Variants in KIAA2012 observed in about 807,000 individuals in gnomAD.
KIAA2012 encodes KIAA2012.
In KIAA2012, 125 loss-of-function variants were observed where a neutral mutation model predicts 150.6. The observed-to-expected ratio is 0.83, with a 90% CI of 0.72 to 0.96. The LOEUF (loss-of-function observed/expected upper bound fraction) is 0.96. Among genes scored for constraint, KIAA2012 ranks in the 40% least tolerant of loss-of-function variants. The pLI is 0.00. For synonymous variants in KIAA2012, 462 were observed against 504.7 expected, an observed-to-expected ratio of 0.92 and a Z score of 1.13; for missense variants, 1,219 against 1,354.9, an observed-to-expected ratio of 0.90 and a Z score of 1.57.
In KIAA2012 at chr2:202,090,943, T is replaced by C. The variant is rs1689704222; in HGVS notation, c.529+14T>C. Reference sequence around the variant, plus strand: ...TCTGGTGCGCAGGTCAGTGGGGAAATGGGAGGGGGGCACACCCCAAACTGC... The same window carrying C: ...TCTGGTGCGCAGGTCAGTGGGGAAACGGGAGGGGGGCACACCCCAAACTGC... On this transcript the variant is annotated intron_variant, in intron 3 of 23. Transcript: ENST00000498697. 6.5e-7 allele frequency: 1 copy of C among 1,533,604 alleles called. No individual in the cohort carries two copies. The highest frequency in any genetic ancestry group is 1.7e-4 in the Middle Eastern group (1 of 5,914). 95.0% of individuals were successfully genotyped at this position (1,533,604 alleles called of 1,614,324 possible). A position where few individuals can be genotyped will look rare whatever the true frequency, so the allele number is the denominator to read the frequency against.
chr2:202,074,800 TAA>T (rs1217718975), intron 1 of KIAA2012, 89 bp from the exon 2 acceptor site: 4 of 1,338,460 alleles, frequency 3.0e-6, no homozygotes, highest in Admixed American at 5.7e-5. Context: ...AATCAGTAAC[TAA>T]AAAAATGCCG....
At chr2:202,101,937 C>T (rs1490289340) in intron 7 of KIAA2012, among the ~76,000 whole-genome samples, 1 of 151,912 alleles carries the variant, frequency 6.6e-6, no homozygotes, top group African/African-American at 2.4e-5. Context: ...AAAAAGGAGA[C>T]ACTAGAAGGG....
chr2:202,125,148 G>GA, intron 11 of KIAA2012, 66 bp from the exon 12 acceptor site: 1 of 1,281,474 alleles, frequency 7.8e-7, no homozygotes, highest in Non-Finnish European at 1.1e-6. Flanking sequence ...CCTGTCTTCG[G>GA]ATAAGGGAAT....
At chr2:202,193,852 C>T (rs1467846386) in intron 20 of KIAA2012, among the ~76,000 whole-genome samples, 1 of 152,216 alleles carries the variant, frequency 6.6e-6, no homozygotes, top group African/African-American at 2.4e-5. Context: ...GTGGTCTGCA[C>T]TGTGCTAGGC....
intron 12 of KIAA2012, among the ~76,000 whole-genome samples, chr2:202,125,658 C>T (rs1364197215): frequency 6.6e-6 from 1 of 152,156 alleles, no homozygotes; most frequent in African/African-American, 2.4e-5. Context: ...AGCCTGCACA[C>T]ACCACAAGCT....
chr2:202,145,320 G>T (rs1691272923), intron 13 of KIAA2012, among the ~76,000 whole-genome samples: 7 of 152,076 alleles, frequency 4.6e-5, no homozygotes, highest in Admixed American at 4.6e-4. Flanking sequence ...TTATTCAAAG[G>T]CTTTTTGAAG....
At chr2:202,183,992 CTTAT>C (rs1170568060) in intron 15 of KIAA2012, among the ~76,000 whole-genome samples, 1 of 152,052 alleles carries the variant, frequency 6.6e-6, no homozygotes, top group Non-Finnish European at 1.5e-5. Context: ...TTCCATATTG[CTTAT>C]TTATCTTTTT....
intron 12 of KIAA2012, chr2:202,136,006 A>AT (rs1559216588): frequency 1.1e-4 from 35 of 322,410 alleles, no homozygotes; most frequent in South Asian, 1.5e-4. Flanking sequence ...AAAAAAAAAA[A>AT]ATTTTTTTTG....
intron 9 of KIAA2012, among the ~76,000 whole-genome samples, chr2:202,108,165 T>C (rs986862476): frequency 1.3e-5 from 2 of 152,220 alleles, no homozygotes; most frequent in Non-Finnish European, 2.9e-5. Flanking sequence ...CCTGGATTAC[T>C]TCACCTCTAA....
At position 202,104,242 on chromosome 2, in the gene KIAA2012, G is replaced by A. The variant is rs558685909; in HGVS notation, c.1324+1128G>A. On this transcript the variant is annotated intron_variant, in intron 8 of 23. Transcript: ENST00000498697. This position sits in a 1 kb window ranked among gnomAD's most constrained non-coding sequence, Gnocchi z 4.3. ...TTAAGATCTGTGCGATTCACTCTAT[G>A]TAGATTTTACCTTGCCAAAAAAAAT... is the stretch of plus-strand genomic sequence containing the variant. 3.3e-4 allele frequency among the ~76,000 whole-genome samples: 50 copies of A among 152,094 alleles called. No individual in the cohort carries two copies. Among genetic ancestry groups the A allele is most frequent in the Non-Finnish European group, 6.3e-4 (43 of 68,020 alleles).
intron 7 of KIAA2012, among the ~76,000 whole-genome samples, chr2:202,102,315 C>G (rs558537464): frequency 2.2e-4 from 33 of 152,250 alleles, no homozygotes; most frequent in African/African-American, 7.7e-4. Flanking sequence ...AATTTTTCTG[C>G]TAGTGGCTAG....
chr2:202,117,497 G>C (rs1277249621), intron 11 of KIAA2012, among the ~76,000 whole-genome samples: 1 of 152,218 alleles, frequency 6.6e-6, no homozygotes, highest in Admixed American at 6.5e-5. Context: ...ATGATGCCGA[G>C]AGATGTAAGG....
intron 13 of KIAA2012, among the ~76,000 whole-genome samples, chr2:202,143,075 A>ATTTTTTTTTTTTTTTT (rs59488285): frequency 5.6e-5 from 7 of 124,988 alleles, no homozygotes; most frequent in Non-Finnish European, 6.5e-5. Context: ...CACTGGTTTA[A>ATTTTTTTTTTTTTTTT]TTTTTTTTTT....
chr2:202,202,177 A>G (rs1204347140), intron 22 of KIAA2012, among the ~76,000 whole-genome samples: 2 of 152,132 alleles, frequency 1.3e-5, no homozygotes, highest in African/African-American at 2.4e-5. Context: ...TAAATGAGGG[A>G]GTCCTTTCCA....
intron 11 of KIAA2012, among the ~76,000 whole-genome samples, chr2:202,114,773 G>A (rs548367976): frequency 2.0e-5 from 3 of 152,298 alleles, no homozygotes; most frequent in Non-Finnish European, 4.4e-5. Flanking sequence ...CATGGAGAAA[G>A]AGAAAGATGA....
Position 202,073,288 on chromosome 2 carries a change from T to G in KIAA2012, c.-340T>G. On this transcript the variant is annotated 5_prime_UTR_variant, in exon 1 of 24. Coordinates refer to ENST00000498697, the MANE Select transcript of KIAA2012 (RefSeq NM_001277372.4). ...AGGATGGTGCTGTGGCCGAGATCTGTAGATGCACACGGCTGGTAACAGAGC... is the reference window on the plus strand; with the variant it reads ...AGGATGGTGCTGTGGCCGAGATCTGGAGATGCACACGGCTGGTAACAGAGC... 4.5e-6 allele frequency: 1 copy of G among 223,186 alleles called. No individual in the cohort carries two copies. Among genetic ancestry groups the G allele is most frequent in the Non-Finnish European group, 8.9e-6 (1 of 112,248 alleles). The allele number at this position is 223,186 out of a possible 1,614,324, so 13.8% of individuals were successfully genotyped here. A position where few individuals can be genotyped will look rare whatever the true frequency, so the allele number is the denominator to read the frequency against.
chr2:202,133,694 C>T (rs1029835709), intron 12 of KIAA2012, among the ~76,000 whole-genome samples: 1 of 152,172 alleles, frequency 6.6e-6, no homozygotes, highest in Admixed American at 6.5e-5. Flanking sequence ...GCCCATCTCA[C>T]CCTCCTCCTC....
intron 4 of KIAA2012, among the ~76,000 whole-genome samples, chr2:202,097,078 A>G (rs1689903887): frequency 6.6e-6 from 1 of 152,122 alleles, no homozygotes; most frequent in African/African-American, 2.4e-5. Flanking sequence ...TCATCCACTA[A>G]TCCCTCACAG....
In KIAA2012 at chr2:202,073,932, C is replaced by T. The variant is rs558510841; in HGVS notation, c.84+221C>T. 3.3e-5 allele frequency among the ~76,000 whole-genome samples: 5 copies of T among 151,750 alleles called. No individual in the cohort carries two copies. The East Asian group carries it at 9.7e-4, about 30-fold the overall frequency. On this transcript the variant is annotated intron_variant, in intron 1 of 23. Transcript: ENST00000498697. ...GAGGCCCTCATCTTTCCCCTTGTAG[C>T]TGTCTTTGCTTGGACCAAAGGAGAT...
Sources: gnomAD v4.1 joint callset for allele counts (sites outside exome capture counted in the v4.1 genomes callset) on GRCh38, gnomAD v4.1.1 for gene constraint, Gnocchi (gnomAD v3.1) non-coding constraint, MANE v1.5 for transcripts, NCBI Gene and HGNC (gene_info 2026-07-23, HGNC 2026-07-21) for gene names.